The following NYAP2 variants were observed in gnomAD, a reference collection of about 807,000 sequenced individuals.
The protein encoded by NYAP2 is neuronal tyrosine-phosphorylated phosphoinositide-3-kinase adapter 2.
In NYAP2, 23 loss-of-function variants were observed where a neutral mutation model predicts 50.4. That is an observed-to-expected ratio of 0.46 (90% confidence interval 0.33 to 0.65). NYAP2 has a LOEUF of 0.65. NYAP2 is among the 30% of genes least tolerant of loss of function. The pLI is 0.02. For missense variants in NYAP2, 885 were observed against 861.0 expected (o/e 1.03, Z -0.35); for synonymous variants, 394 against 365.2 (o/e 1.08, Z -0.90).
chr2:225,566,795 T>G (rs1691969559), intron 4 of NYAP2, among the ~76,000 whole-genome samples: 1 of 152,182 alleles, frequency 6.6e-6, no homozygotes, highest in Admixed American at 6.6e-5. Context: ...AAGTTTTAAA[T>G]GTGCATATTG....
Position 225,444,179 on chromosome 2 carries a change from G to A in NYAP2, c.221+35078G>A, listed in dbSNP as rs528341700. ...CTAAGAAAGAATTACCATACAAGCC[G>A]ATGATTCCCAGAGAGATTTGTTTTC... is the stretch of plus-strand genomic sequence containing the variant. On this transcript the variant is annotated intron_variant, in intron 3 of 6. Transcript: ENST00000636099. Among the ~76,000 whole-genome samples the A allele has an allele frequency of 3.3e-4, 51 of 152,266 alleles. No homozygotes were observed. In the South Asian group the frequency reaches 9.7e-3, roughly 29 times the overall value.
intron 3 of NYAP2, among the ~76,000 whole-genome samples, chr2:225,480,650 A>T (rs1344906371): frequency 2.6e-5 from 4 of 152,104 alleles, no homozygotes; most frequent in Non-Finnish European, 5.9e-5. Flanking sequence ...AGCAAGAAGG[A>T]TCTTAAAGGG....
chr2:225,593,655 A>G (rs1006903419), intron 5 of NYAP2, among the ~76,000 whole-genome samples: 15 of 152,356 alleles, frequency 9.8e-5, no homozygotes, highest in African/African-American at 3.4e-4. Flanking sequence ...ACAAAGGACC[A>G]GGGAAAACAA....
At chr2:225,684,075 T>A in the NYAP2 span, among the ~76,000 whole-genome samples, 1 of 152,136 alleles carries the variant, frequency 6.6e-6, no homozygotes, top group East Asian at 1.9e-4. Flanking sequence ...AGGCTTTAGG[T>A]CAATGTGACT....
At chr2:225,610,475 C>G (rs1353676738) in intron 5 of NYAP2, among the ~76,000 whole-genome samples, 3 of 152,112 alleles carry the variant, frequency 2.0e-5, no homozygotes, top group African/African-American at 7.2e-5. Context: ...GGGATTAGGA[C>G]TTTAACATGT....
At position 225,511,373 on chromosome 2, in the gene NYAP2, C is replaced by CACACACAG. The variant is rs376750469; in HGVS notation, c.222-1997_222-1996insCACACAGA. Among the ~76,000 whole-genome samples the CACACACAG allele has an allele frequency of 3.4e-3, 398 of 117,784 alleles. 2 individuals carry two copies. Among genetic ancestry groups the CACACACAG allele is most frequent in the African/African-American group, 0.013 (380 of 30,018 alleles). 77.3% of individuals were successfully genotyped at this position (117,784 alleles called of 152,430 possible). ...ACACACACACACACACACACACACA[C>CACACACAG]AGAGAGAGAGAGAGAGAGAGGATAA... On this transcript the variant is annotated intron_variant, in intron 3 of 6. Coordinates refer to ENST00000636099, the Ensembl canonical transcript of NYAP2.
chr2:225,607,780 T>TA (rs1333900924), intron 5 of NYAP2, among the ~76,000 whole-genome samples: 1 of 152,104 alleles, frequency 6.6e-6, no homozygotes, highest in African/African-American at 2.4e-5. Context: ...GGAAAAGGAC[T>TA]AAAAGCACAC....
At chr2:225,512,849 C>G (rs1186753818) in intron 3 of NYAP2, among the ~76,000 whole-genome samples, 2 of 99,162 alleles carry the variant, frequency 2.0e-5, no homozygotes, top group Non-Finnish European at 3.8e-5. Flanking sequence ...TTCTTTCTTT[C>G]TTTCTTCCTT....
chr2:225,565,740 C>G (rs1287553046), intron 4 of NYAP2, among the ~76,000 whole-genome samples: 2 of 152,104 alleles, frequency 1.3e-5, no homozygotes, highest in East Asian at 3.8e-4. Context: ...TCCTCACATG[C>G]ATATATGAAT....
chr2:225,511,367 CACACACAGAG>C (rs756393129), intron 3 of NYAP2, among the ~76,000 whole-genome samples: 38 of 136,916 alleles, frequency 2.8e-4, no homozygotes, highest in Admixed American at 8.6e-4. Flanking sequence ...CACACACACA[CACACACAGAG>C]AGAGAGAGAG....
intron 3 of NYAP2, among the ~76,000 whole-genome samples, chr2:225,454,806 C>T (rs1056053115): frequency 6.6e-6 from 1 of 152,094 alleles, no homozygotes; most frequent in Non-Finnish European, 1.5e-5. Flanking sequence ...AAGTGTCTTC[C>T]GCGAAACCAG....
intron 5 of NYAP2, among the ~76,000 whole-genome samples, chr2:225,622,519 T>TA (rs1327227739): frequency 4.6e-4 from 3 of 6,520 alleles, no homozygotes; most frequent in East Asian, 0.038. Flanking sequence ...TCTTTCTTTC[T>TA]TCTTTCTTTC....
rs1475561799 is a variant in NYAP2 at position 225,446,236 on chromosome 2, C to A, written c.221+37135C>A. 1.2e-3 allele frequency among the ~76,000 whole-genome samples: 120 copies of A among 102,116 alleles called. 1 individual carries two copies. The highest frequency in any genetic ancestry group is 5.0e-3 in the African/African-American group (113 of 22,530). The allele number at this position is 102,116 out of a possible 152,430, so 67.0% of individuals were successfully genotyped here. A position where few individuals can be genotyped will look rare whatever the true frequency, so the allele number is the denominator to read the frequency against. ...TGTCTGTCTCTCTCTCTCTCTCTCT[C>A]TCTCTCTCTCTATATATATATATAT... On this transcript the variant is annotated intron_variant, in intron 3 of 6. Coordinates refer to ENST00000636099, the Ensembl canonical transcript of NYAP2.
intron 4 of NYAP2, among the ~76,000 whole-genome samples, chr2:225,550,357 T>C (rs993617362): frequency 1.1e-4 from 17 of 151,986 alleles, no homozygotes; most frequent in Admixed American, 9.2e-4. Context: ...AAAGATAGAG[T>C]AATCAATGGT....
intron 3 of NYAP2, among the ~76,000 whole-genome samples, chr2:225,489,747 C>A (rs1017839727): frequency 1.3e-5 from 2 of 152,150 alleles, no homozygotes; most frequent in Admixed American, 1.3e-4. Flanking sequence ...TCACACAGTG[C>A]AAGGATTCTC....
intron 4 of NYAP2, among the ~76,000 whole-genome samples, chr2:225,549,962 G>A (rs1691643566): frequency 6.6e-6 from 1 of 151,654 alleles, no homozygotes; most frequent in Admixed American, 6.6e-5. Flanking sequence ...TCCAGCCTGG[G>A]CAACAGAGTG....
chr2:225,584,085 C>A (rs1034672739), intron 5 of NYAP2, among the ~76,000 whole-genome samples: 1 of 152,050 alleles, frequency 6.6e-6, no homozygotes, highest in Non-Finnish European at 1.5e-5. Context: ...TGAGCAAATT[C>A]CCATTAGAAA....
intron 4 of NYAP2, among the ~76,000 whole-genome samples, chr2:225,548,882 AG>A (rs1467670452): frequency 1.2e-5 from 1 of 84,078 alleles, no homozygotes; most frequent in Non-Finnish European, 2.5e-5. Context: ...CTCAGAATGC[AG>A]CAATTTTTTT....
At chr2:225,588,072 GCAC>G (rs1007452756) in intron 5 of NYAP2, among the ~76,000 whole-genome samples, 40 of 152,034 alleles carry the variant, frequency 2.6e-4, no homozygotes, top group African/African-American at 6.5e-4. Context: ...TTTAAGGCAT[GCAC>G]CACCACACCT....
Sources: gnomAD v4.1 joint callset for allele counts (sites outside exome capture counted in the v4.1 genomes callset) on GRCh38, gnomAD v4.1.1 for gene constraint, MANE v1.5 for transcripts, NCBI Gene and HGNC (gene_info 2026-07-23, HGNC 2026-07-21) for gene names.